Variants in SPECC1L observed in about 807,000 individuals in gnomAD.
The protein encoded by SPECC1L is sperm antigen with calponin homology and coiled-coil domains 1 like.
SPECC1L carries 40 observed loss-of-function variants against 116.8 expected under a neutral mutation model. The ratio of observed to expected loss-of-function variants is 0.34; its 90% CI spans 0.27 to 0.45. The LOEUF (loss-of-function observed/expected upper bound fraction) is 0.45. SPECC1L is among the 20% of genes least tolerant of loss of function. SPECC1L has a pLI of 1.00. For synonymous variants in SPECC1L, 504 were observed against 500.6 expected (o/e 1.01, Z -0.09); for missense variants, 1,110 against 1,373.6 (o/e 0.81, Z 3.03).
chr22:24,321,843 T>A lies in SPECC1L; in HGVS notation c.863T>A (p.Leu288Gln). Residue 288 changes from leucine to glutamine, a missense_variant, in exon 5 of 17, where the codon CTG (leucine) becomes CAG (glutamine). By Grantham distance (113) the Leu-to-Gln change is moderately radical (BLOSUM62 -2). Around this residue, in one of 4 missense-constraint regions of SPECC1L, gnomAD observed 437 missense variants for 482.6 expected, o/e 0.91. Coordinates refer to ENST00000314328, the MANE Select transcript of SPECC1L (RefSeq NM_015330.6). Reference protein sequence around the residue: ...LEQRLDNSEKLFGYQSLSPEI... With the variant: ...LEQRLDNSEKQFGYQSLSPEI... The stretch of plus-strand genomic sequence containing the variant: ...CAGAGGTTAGACAATTCTGAAAAAC[T>A]GTTTGGCTATCAGTCCCTGAGCCCA... 2 of 1,614,218 alleles carry A rather than the reference T, an allele frequency of 1.2e-6. No homozygotes were observed. Among genetic ancestry groups the A allele is most frequent in the Non-Finnish European group, 1.7e-6 (2 of 1,180,048 alleles).
At position 24,377,810 on chromosome 22, in the gene SPECC1L, G is replaced by C. The variant is rs369400342; in HGVS notation, c.3087+8490G>C. On this transcript the variant is annotated intron_variant, in intron 14 of 16. Transcript: ENST00000314328. Reference sequence around the variant, plus strand: ...GCTTAAAATGTTCGATAACTATGCTGTCAACAGATGTGCTGTCATCCAGGC... The same window carrying C: ...GCTTAAAATGTTCGATAACTATGCTCTCAACAGATGTGCTGTCATCCAGGC... Among the ~76,000 whole-genome samples, 10 of 152,312 alleles carry C rather than the reference G, an allele frequency of 6.6e-5. No homozygotes were observed. In the South Asian group the frequency reaches 2.1e-3, roughly 32 times the overall value.
At chr22:24,277,023 G>A (rs2048850189) in intron 2 of SPECC1L, among the ~76,000 whole-genome samples, 2 of 152,088 alleles carry the variant, frequency 1.3e-5, no homozygotes, top group African/African-American at 2.4e-5. Flanking sequence ...TGTTTTTCTC[G>A]CCCTTCTGCA....
At chr22:24,394,071 A>G (rs932431408) in intron 14 of SPECC1L, among the ~76,000 whole-genome samples, 7 of 152,168 alleles carry the variant, frequency 4.6e-5, no homozygotes, top group African/African-American at 1.7e-4. Context: ...CACAATTATT[A>G]AGCCATTCAG....
At chr22:24,273,853 G>T (rs2048779255) in intron 1 of SPECC1L, among the ~76,000 whole-genome samples, 1 of 152,214 alleles carries the variant, frequency 6.6e-6, no homozygotes, top group African/African-American at 2.4e-5. Context: ...ACGCCTCCCA[G>T]GTTCAAGCGA....
chr22:24,377,214 T>C (rs1388117075), intron 14 of SPECC1L, among the ~76,000 whole-genome samples: 2 of 152,230 alleles, frequency 1.3e-5, no homozygotes, highest in Non-Finnish European at 2.9e-5. Context: ...CAATATTCCA[T>C]TGTATGGATA....
At chr22:24,391,141 C>T (rs1052106913) in intron 14 of SPECC1L, among the ~76,000 whole-genome samples, 88 of 151,926 alleles carry the variant, frequency 5.8e-4, no homozygotes, top group African/African-American at 2.1e-3. Context: ...TCCCAAAGTG[C>T]TGGGATTACG....
At chr22:24,327,832 A>G (rs986533281) in intron 6 of SPECC1L, among the ~76,000 whole-genome samples, 1 of 152,106 alleles carries the variant, frequency 6.6e-6, no homozygotes, top group Non-Finnish European at 1.5e-5. Context: ...GTCGAGACAG[A>G]TGTGTCGAGA....
intron 9 of SPECC1L, 138 bp downstream of exon 9, chr22:24,334,711 T>G (rs1368414992): frequency 3.3e-6 from 3 of 921,414 alleles, no homozygotes; most frequent in African/African-American, 3.3e-5. Context: ...GCACTAGACT[T>G]AACAGAAGGT....
At chr22:24,281,592 C>T (rs1394628637) in intron 2 of SPECC1L, among the ~76,000 whole-genome samples, 1 of 152,108 alleles carries the variant, frequency 6.6e-6, no homozygotes, top group Non-Finnish European at 1.5e-5. Context: ...TTTCAACTTC[C>T]CATTATTCAT....
At chr22:24,392,795 T>G (rs1383288035) in intron 14 of SPECC1L, among the ~76,000 whole-genome samples, 2 of 152,214 alleles carry the variant, frequency 1.3e-5, no homozygotes, top group Admixed American at 6.5e-5. Flanking sequence ...TTAGTGGGGA[T>G]ATCTCATCTC....
chr22:24,383,797 T>TTTTTTTTTTTTTTA, intron 14 of SPECC1L, among the ~76,000 whole-genome samples: 1 of 13,574 alleles, frequency 7.4e-5, no homozygotes, highest in South Asian at 3.1e-3. Flanking sequence ...CCACTATTTT[T>TTTTTTTTTTTTTTA]TTTTTTTTTT....
At chr22:24,401,689 G>A (rs778021925) in intron 14 of SPECC1L, among the ~76,000 whole-genome samples, 4 of 152,102 alleles carry the variant, frequency 2.6e-5, no homozygotes, top group African/African-American at 7.2e-5. Context: ...TAAACTCACC[G>A]ATGTCACATT....
intron 10 of SPECC1L, among the ~76,000 whole-genome samples, chr22:24,342,960 A>T (rs985034224): frequency 1.3e-5 from 2 of 152,136 alleles, no homozygotes; most frequent in South Asian, 2.1e-4. Flanking sequence ...TGGGAGGCTG[A>T]TGTGGGCAGA....
At chr22:24,315,267 C>T (rs569352599) in intron 4 of SPECC1L, among the ~76,000 whole-genome samples, 3 of 152,210 alleles carry the variant, frequency 2.0e-5, no homozygotes, top group Admixed American at 6.5e-5. Context: ...ATAATAGGTG[C>T]GATTAACAGG....
At chr22:24,328,616 G>A (rs989534053) in intron 6 of SPECC1L, among the ~76,000 whole-genome samples, 1 of 152,138 alleles carries the variant, frequency 6.6e-6, no homozygotes, top group Non-Finnish European at 1.5e-5. Context: ...TACTGTGGAA[G>A]GAAGTGATTT....
chr22:24,359,597 C>A (rs1384199204), intron 11 of SPECC1L, among the ~76,000 whole-genome samples: 1 of 152,004 alleles, frequency 6.6e-6, no homozygotes, highest in Non-Finnish European at 1.5e-5. Context: ...TAGATAAAGT[C>A]CAAACGCCTT....
At chr22:24,285,675 G>T (rs1222620294) in intron 2 of SPECC1L, among the ~76,000 whole-genome samples, 2 of 151,218 alleles carry the variant, frequency 1.3e-5, no homozygotes, top group Non-Finnish European at 2.9e-5. Flanking sequence ...ACGGAGTCTT[G>T]CTCTGTCGCC....
intron 15 of SPECC1L, 41 bp downstream of exon 15, chr22:24,411,745 G>C (rs1182736730): frequency 6.5e-7 from 1 of 1,537,618 alleles, no homozygotes; most frequent in South Asian, 1.1e-5. Context: ...CACCTCACAG[G>C]GTTGGAGGGC....
At chr22:24,374,486 G>T (rs1409531047) in intron 14 of SPECC1L, among the ~76,000 whole-genome samples, 5 of 151,858 alleles carry the variant, frequency 3.3e-5, no homozygotes. Context: ...CACGGATGAA[G>T]CTGGAAACCA....
Sources: allele counts gnomAD v4.1 joint callset (sites outside exome capture counted in the v4.1 genomes callset), GRCh38; gene constraint gnomAD v4.1.1; regional missense constraint gnomAD v4.1.1; transcripts MANE v1.5; gene names NCBI Gene and HGNC (gene_info 2026-07-23, HGNC 2026-07-21).